GLIS3: variants seen among roughly 807,000 people sequenced by gnomAD.
GLIS3 encodes the protein GLIS family zinc finger 3, also known as zinc finger protein GLIS3.
In GLIS3, 53 loss-of-function variants were observed where a neutral mutation model predicts 78.6. The observed-to-expected ratio is 0.67, with a 90% CI of 0.54 to 0.85. The LOEUF is 0.85. Ranked by LOEUF, GLIS3 falls within the 40% of genes least tolerant of loss-of-function variation. The probability of loss-of-function intolerance (pLI) is 0.00; values close to 1 mark genes in which losing one functional copy is unlikely to be tolerated. For synonymous variants in GLIS3, 684 were observed against 509.9 expected, an observed-to-expected ratio of 1.34 and a Z score of -4.60; for missense variants, 1,703 against 1,231.1, an observed-to-expected ratio of 1.38 and a Z score of -5.74.
chr9:4,294,217 C>T (rs1446148097), intron 1 of GLIS3, among the ~76,000 whole-genome samples: 1 of 152,112 alleles, frequency 6.6e-6, no homozygotes, highest in East Asian at 1.9e-4. Context: ...CATAATATTA[C>T]AGAATAATGG....
At chr9:4,414,660 C>T in the GLIS3 span, among the ~76,000 whole-genome samples, 4 of 152,128 alleles carry the variant, frequency 2.6e-5, no homozygotes, top group African/African-American at 4.8e-5. Flanking sequence ...AATCTGTAGT[C>T]AGGTTGCTCA....
intron 2 of GLIS3, among the ~76,000 whole-genome samples, chr9:4,256,284 T>TCAG (rs1824932925): frequency 6.6e-6 from 1 of 152,192 alleles, no homozygotes; most frequent in Non-Finnish European, 1.5e-5. Flanking sequence ...ATCATACCAT[T>TCAG]CAGCAAATTA....
the GLIS3 span, among the ~76,000 whole-genome samples, chr9:4,446,072 A>G: frequency 6.6e-6 from 1 of 152,350 alleles, no homozygotes; most frequent in South Asian, 2.1e-4. Context: ...GTTGCCAAAC[A>G]AAATATCTGA....
intron 4 of GLIS3, among the ~76,000 whole-genome samples, chr9:4,078,304 C>A (rs879909142): frequency 3.3e-5 from 5 of 152,140 alleles, no homozygotes; most frequent in Non-Finnish European, 7.4e-5. Context: ...CCTGCCCCTA[C>A]CTGCCTGGCC....
At chr9:4,450,692 T>C in the GLIS3 span, among the ~76,000 whole-genome samples, 3 of 152,186 alleles carry the variant, frequency 2.0e-5, no homozygotes, top group African/African-American at 7.2e-5. Flanking sequence ...GGGGCCAATA[T>C]TCGACATTCT....
intron 2 of GLIS3, among the ~76,000 whole-genome samples, chr9:4,169,460 C>T (rs1212645588): frequency 6.6e-6 from 1 of 152,164 alleles, no homozygotes; most frequent in African/African-American, 2.4e-5. Flanking sequence ...GCCAGTCTCA[C>T]AGCTACCACT....
intron 2 of GLIS3, among the ~76,000 whole-genome samples, chr9:4,157,131 G>T (rs1835097734): frequency 6.6e-6 from 1 of 152,172 alleles, no homozygotes; most frequent in Admixed American, 6.5e-5. Flanking sequence ...TTTCAGAAAG[G>T]TGCGTGCGGT....
rs139954603 is a variant in GLIS3, at chr9:4,334,275, T to C, written n.264+12806A>G. ...TCTGTTTCCCAAGGAGCTTTCTGGA[T>C]ATAACATTCAGTCCTTCTACAAATT... On this transcript the variant is annotated intron_variant and non_coding_transcript_variant, in intron 2 of 4. Coordinates refer to the GLIS3 transcript ENST00000471664. Among the ~76,000 whole-genome samples the C allele has an allele frequency of 7.6e-3, 1,153 of 152,316 alleles. 53 individuals carry two copies. The highest frequency in any genetic ancestry group is 0.052 in the Admixed American group (789 of 15,306).
At chr9:3,933,228 T>G (rs1399546366) in intron 5 of GLIS3, among the ~76,000 whole-genome samples, 1 of 151,824 alleles carries the variant, frequency 6.6e-6, no homozygotes, top group Non-Finnish European at 1.5e-5. Context: ...CAGGCTGGAG[T>G]GCAGTGGCGC....
intron 4 of GLIS3, among the ~76,000 whole-genome samples, chr9:4,068,683 T>A (rs955045795): frequency 6.6e-6 from 1 of 152,174 alleles, no homozygotes; most frequent in African/African-American, 2.4e-5. Flanking sequence ...TCAGTCAACA[T>A]GTACATACAA....
chr9:4,365,739 A>G, the GLIS3 span, among the ~76,000 whole-genome samples: 44 of 152,032 alleles, frequency 2.9e-4, no homozygotes, highest in Admixed American at 2.9e-3. Flanking sequence ...AACTCACCCT[A>G]CTCCACTGAC....
At chr9:4,385,665 C>CAA in the GLIS3 span, among the ~76,000 whole-genome samples, 1 of 75,318 alleles carries the variant, frequency 1.3e-5, no homozygotes, top group Non-Finnish European at 2.4e-5. Flanking sequence ...AACTCCATCT[C>CAA]AAAAAAAAAA....
chr9:4,204,010 G>C (rs1819630876), intron 2 of GLIS3, among the ~76,000 whole-genome samples: 1 of 152,134 alleles, frequency 6.6e-6, no homozygotes, highest in Non-Finnish European at 1.5e-5. Flanking sequence ...TATATGCTAG[G>C]TACCTGCGTT....
At chr9:4,330,921 C>T (rs552077476) in intron 2 of GLIS3, among the ~76,000 whole-genome samples, 1 of 152,308 alleles carries the variant, frequency 6.6e-6, no homozygotes, top group East Asian at 1.9e-4. Flanking sequence ...TGTCACTGTG[C>T]TGAAGGATCA....
the GLIS3 span, among the ~76,000 whole-genome samples, chr9:4,426,286 C>A: frequency 6.6e-6 from 1 of 152,184 alleles, no homozygotes; most frequent in Admixed American, 6.5e-5. Context: ...GTTTTTATGA[C>A]CAACAGTGAG....
At chr9:4,110,971 C>G (rs1831165719) in intron 4 of GLIS3, among the ~76,000 whole-genome samples, 1 of 152,162 alleles carries the variant, frequency 6.6e-6, no homozygotes, top group African/African-American at 2.4e-5. Context: ...AACACGACCA[C>G]TCAAAGAAAA....
At chr9:3,861,906 C>G (rs540752944) in intron 8 of GLIS3, among the ~76,000 whole-genome samples, 7 of 152,156 alleles carry the variant, frequency 4.6e-5, no homozygotes, top group African/African-American at 1.7e-4. Context: ...TGTAACAAAC[C>G]GGCACATCCT....
At chr9:4,201,709 C>T (rs1265381942) in intron 2 of GLIS3, among the ~76,000 whole-genome samples, 2 of 152,082 alleles carry the variant, frequency 1.3e-5, no homozygotes, top group Admixed American at 6.5e-5. Flanking sequence ...AATGAAAAAA[C>T]ATTCTATGCT....
chr9:4,299,205 T>C (rs1325473932), intron 1 of GLIS3, among the ~76,000 whole-genome samples: 2 of 152,210 alleles, frequency 1.3e-5, no homozygotes, highest in Non-Finnish European at 2.9e-5. Flanking sequence ...TAATTGTTGC[T>C]ATCAGTCTCA....
Sources: gnomAD v4.1 joint callset for allele counts (sites outside exome capture counted in the v4.1 genomes callset) on GRCh38, gnomAD v4.1.1 for gene constraint, MANE v1.5 for transcripts, NCBI Gene and HGNC (gene_info 2026-07-23, HGNC 2026-07-21) for gene names.